Variants in ST8SIA6 observed in about 807,000 individuals in gnomAD.
The protein encoded by ST8SIA6 is ST8 alpha-N-acetyl-neuraminide alpha-2,8-sialyltransferase 6.
A neutral mutation model predicts 33.6 loss-of-function variants in ST8SIA6; 39 were observed. The ratio of observed to expected loss-of-function variants is 1.16; its 90% CI spans 0.90 to 1.52. The LOEUF is 1.52. ST8SIA6 is among the 40% of genes most tolerant of loss of function. The probability of loss-of-function intolerance (pLI) is 0.00; values close to 1 mark genes in which losing one functional copy is unlikely to be tolerated. For synonymous variants in ST8SIA6, 172 were observed against 167.2 expected, an observed-to-expected ratio of 1.03 and a Z score of -0.22; for missense variants, 441 against 443.8, an observed-to-expected ratio of 0.99 and a Z score of 0.06.
intron 3 of ST8SIA6, among the ~76,000 whole-genome samples, chr10:17,365,478 C>A (rs1054251946): frequency 1.1e-4 from 16 of 152,108 alleles, no homozygotes; most frequent in African/African-American, 3.9e-4. Flanking sequence ...ATAAACAATT[C>A]ATAAGTTTAA....
intron 3 of ST8SIA6, among the ~76,000 whole-genome samples, chr10:17,366,845 A>G (rs1849575647): frequency 2.0e-5 from 3 of 152,122 alleles, no homozygotes; most frequent in Admixed American, 6.5e-5. Flanking sequence ...TCTCCTGCCA[A>G]TGACTCCCAT....
At chr10:17,442,277 C>T (rs1852526927) in intron 2 of ST8SIA6, among the ~76,000 whole-genome samples, 1 of 152,128 alleles carries the variant, frequency 6.6e-6, no homozygotes, top group Admixed American at 6.6e-5. Flanking sequence ...CAATATTTTC[C>T]AGGTTGTTAC....
At position 17,331,462 on chromosome 10, in the gene ST8SIA6, C is replaced by T. The variant is rs1588789592; in HGVS notation, c.468G>A (p.Val156=). 1 of 1,612,586 alleles carries T rather than the reference C, an allele frequency of 6.2e-7. No individual in the cohort carries two copies. The highest frequency in any genetic ancestry group is 2.2e-5 in the East Asian group (1 of 44,832). ...TAATTGGGATTTCTTTTTTGCTTTC[C>T]ACCTCGTAACTCATATTAGTCCCAA... ...TPVGTNMSYE[V]ESKKEIPIKK... The change falls in exon 5 of 8, where the codon GTG becomes GTA. Residue 156 remains valine, a synonymous_variant. Transcript: ENST00000377602.
At position 17,318,437 on chromosome 10, in the gene ST8SIA6, A is replaced by T; in HGVS notation, c.*2441T>A. On this transcript the variant is annotated 3_prime_UTR_variant, in exon 8 of 8. Transcript: ENST00000377602. ...CACTATGTTGCCCAGGCTAGTCTCA[A>T]ACTCCTGGCCTCAAGTGACCCACCC... is the stretch of plus-strand genomic sequence containing the variant. The T allele has an allele frequency of 3.0e-6, 1 of 330,270 alleles. No homozygotes were observed. Among genetic ancestry groups the T allele is most frequent in the Non-Finnish European group, 5.9e-6 (1 of 170,668 alleles). The allele number at this position is 330,270 out of a possible 1,614,324, so 20.5% of individuals were successfully genotyped here.
chr10:17,345,158 G>A (rs1473494536), intron 4 of ST8SIA6, among the ~76,000 whole-genome samples: 1 of 152,178 alleles, frequency 6.6e-6, no homozygotes, highest in Non-Finnish European at 1.5e-5. Context: ...AGGCATCACA[G>A]AAGGAGCTGC....
chr10:17,446,109 G>A (rs1053299443), intron 2 of ST8SIA6, among the ~76,000 whole-genome samples: 1 of 152,014 alleles, frequency 6.6e-6, no homozygotes, highest in African/African-American at 2.4e-5. Context: ...TATCCATAAT[G>A]CTGTAAAAAG....
chr10:17,397,233 G>GT (rs34049805), intron 2 of ST8SIA6, among the ~76,000 whole-genome samples: 71,929 of 123,622 alleles, frequency 0.58, 22,314 homozygotes, highest in Middle Eastern at 0.74. Context: ...ATTGTTTTTT[G>GT]TTTTTTTTTT....
intron 4 of ST8SIA6, among the ~76,000 whole-genome samples, chr10:17,335,248 A>C (rs1378226015): frequency 6.6e-6 from 1 of 152,228 alleles, no homozygotes; most frequent in Non-Finnish European, 1.5e-5. Context: ...ATCCAGTCAT[A>C]AGACAAGAGT....
chr10:17,418,993 C>CAAAAAAAAA (rs910044275), intron 2 of ST8SIA6, among the ~76,000 whole-genome samples: 4 of 56,148 alleles, frequency 7.1e-5, no homozygotes, highest in Admixed American at 2.6e-4. Context: ...GGCTCCATCT[C>CAAAAAAAAA]AAAAAAAAAA....
chr10:17,318,479 G>C lies in ST8SIA6; in HGVS notation c.*2399C>G, dbSNP rs184287131. ...GACCCACCCACCTTGGCCTCCCAAA[G>C]TGCTGGGATTACAGGTGTGAGCCAT... On this transcript the variant is annotated 3_prime_UTR_variant, in exon 8 of 8. Transcript: ENST00000377602. The C allele has an allele frequency of 4.3e-5, 15 of 350,140 alleles. 1 individual carries two copies. The highest frequency in any genetic ancestry group is 3.4e-4 in the South Asian group (15 of 44,254). 21.7% of individuals were successfully genotyped at this position (350,140 alleles called of 1,614,324 possible).
chr10:17,435,687 T>A (rs1248997077), intron 2 of ST8SIA6, among the ~76,000 whole-genome samples: 2 of 124,236 alleles, frequency 1.6e-5, no homozygotes, highest in African/African-American at 6.2e-5. Context: ...CAGCCCTGAC[T>A]TGAACTGCTT....
chr10:17,322,772 C>G (rs1307255111), intron 7 of ST8SIA6, among the ~76,000 whole-genome samples: 2 of 151,900 alleles, frequency 1.3e-5, no homozygotes, highest in Non-Finnish European at 1.5e-5. Flanking sequence ...TGCTAACACT[C>G]TAAAAGAAAA....
At chr10:17,377,920 C>T (rs1849972690) in intron 3 of ST8SIA6, among the ~76,000 whole-genome samples, 1 of 152,264 alleles carries the variant, frequency 6.6e-6, no homozygotes, top group African/African-American at 2.4e-5. Flanking sequence ...AACACACAAC[C>T]CCTGACCATA....
In ST8SIA6 at chr10:17,319,407, T is replaced by C. The variant is rs1182354660; in HGVS notation, c.*1471A>G. 6.6e-6 allele frequency among the ~76,000 whole-genome samples: 1 copy of C among 152,184 alleles called. No individual in the cohort carries two copies. The highest frequency in any genetic ancestry group is 1.9e-4 in the East Asian group (1 of 5,200). On this transcript the variant is annotated 3_prime_UTR_variant, in exon 8 of 8. Coordinates refer to ENST00000377602, the MANE Select transcript of ST8SIA6 (RefSeq NM_001004470.3). ...TTGGCTAACGTGAATCTAGGTAGGA[T>C]TGTTGTAAAATTTCACACGTGCTTT...
chr10:17,429,683 C>T (rs1326086645), intron 2 of ST8SIA6, among the ~76,000 whole-genome samples: 1 of 152,142 alleles, frequency 6.6e-6, no homozygotes, highest in Non-Finnish European at 1.5e-5. Flanking sequence ...TGGGGTCTCA[C>T]TATGTTGCCC....
chr10:17,435,148 C>T (rs1034410832), intron 2 of ST8SIA6, among the ~76,000 whole-genome samples: 1 of 152,174 alleles, frequency 6.6e-6, no homozygotes, highest in Admixed American at 6.5e-5. Flanking sequence ...AGTTTGACTT[C>T]GTAATCTGAA....
At chr10:17,381,131 G>C (rs1405996993) in intron 3 of ST8SIA6, among the ~76,000 whole-genome samples, 7 of 151,968 alleles carry the variant, frequency 4.6e-5, no homozygotes, top group Admixed American at 4.6e-4. Context: ...GGGTTTTTAA[G>C]GAAGAGTGTA....
At chr10:17,449,220 T>C (rs1274883209) in intron 2 of ST8SIA6, among the ~76,000 whole-genome samples, 1 of 151,700 alleles carries the variant, frequency 6.6e-6, no homozygotes, top group Non-Finnish European at 1.5e-5. Context: ...AGATATTAAG[T>C]TGAAAAAATA....
At chr10:17,447,972 G>A (rs1051509561) in intron 2 of ST8SIA6, among the ~76,000 whole-genome samples, 4 of 151,944 alleles carry the variant, frequency 2.6e-5, no homozygotes, top group Admixed American at 1.3e-4. Context: ...GCTAATTTTT[G>A]TATTTTTAGT....
Sources: gnomAD v4.1 joint callset for allele counts (sites outside exome capture counted in the v4.1 genomes callset) on GRCh38, gnomAD v4.1.1 for gene constraint, MANE v1.5 for transcripts, NCBI Gene and HGNC (gene_info 2026-07-23, HGNC 2026-07-21) for gene names.